The following UBE2D3 variants were observed in gnomAD, a reference collection of about 807,000 sequenced individuals.
UBE2D3 encodes the protein ubiquitin conjugating enzyme E2 D3.
A neutral mutation model predicts 22.8 loss-of-function variants in UBE2D3; 2 were observed. That is an observed-to-expected ratio of 0.09 (90% CI 0.04 to 0.28). UBE2D3 has a LOEUF of 0.28. Ranked by LOEUF, UBE2D3 falls within the 10% of genes least tolerant of loss-of-function variation. UBE2D3 has a pLI of 1.00. For missense variants in UBE2D3, 27 were observed against 182.5 expected, an observed-to-expected ratio of 0.15 and a Z score of 4.91; for synonymous variants, 56 against 60.4, an observed-to-expected ratio of 0.93 and a Z score of 0.34.
intron 2 of UBE2D3, among the ~76,000 whole-genome samples, chr4:102,815,768 CAA>C (rs869129915): frequency 6.6e-6 from 1 of 152,196 alleles, no homozygotes; most frequent in East Asian, 1.9e-4. Flanking sequence ...TAGTAATAAT[CAA>C]AGAGATAAAA....
At chr4:102,818,485 A>T (rs1178010800) in intron 2 of UBE2D3, among the ~76,000 whole-genome samples, 1 of 152,184 alleles carries the variant, frequency 6.6e-6, no homozygotes, top group African/African-American at 2.4e-5. Flanking sequence ...AAGCTAGGTA[A>T]ATGAGACCCT....
intron 2 of UBE2D3, chr4:102,811,181 C>T (rs1222802734): frequency 7.2e-5 from 11 of 152,130 alleles, no homozygotes; most frequent in South Asian, 2.1e-4. Context: ...GGGAGACCCC[C>T]GTCTCTTCGA....
At chr4:102,862,193 CTG>C (rs1405929960) in intron 1 of UBE2D3, among the ~76,000 whole-genome samples, 3 of 151,922 alleles carry the variant, frequency 2.0e-5, no homozygotes, top group East Asian at 3.8e-4. Context: ...CCTCTTAAAA[CTG>C]TGGGGTTAAG....
chr4:102,811,884 G>A (rs1297557410), intron 2 of UBE2D3: 3 of 371,802 alleles, frequency 8.1e-6, no homozygotes, highest in South Asian at 6.0e-5. Flanking sequence ...GATAAAGCCA[G>A]TATCAACTGT....
In UBE2D3 at chr4:102,861,446, A is replaced by G. The variant is rs142416604; in HGVS notation, c.-129+7269T>C. Among the ~76,000 whole-genome samples, 207 of 152,162 alleles carry G rather than the reference A, an allele frequency of 1.4e-3. 3 individuals are homozygous for G. The Middle Eastern group carries it at 0.017, about 13-fold the overall frequency. Reference sequence around the variant, plus strand: ...ACAGAATGCTATCTCTGAGTTTAGTAGCTCAGAGGCAAAATATAAACAGTT... The same window carrying G: ...ACAGAATGCTATCTCTGAGTTTAGTGGCTCAGAGGCAAAATATAAACAGTT... On this transcript the variant is annotated intron_variant, in intron 1 of 7. Coordinates refer to the UBE2D3 transcript ENST00000338145.
intron 1 of UBE2D3, among the ~76,000 whole-genome samples, chr4:102,856,939 G>C (rs532732650): frequency 2.5e-4 from 38 of 152,058 alleles, no homozygotes; most frequent in Non-Finnish European, 4.4e-4. Context: ...GCACTTATAG[G>C]GTAATAAAAT....
intron 5 of UBE2D3, 103 bp downstream of exon 5, chr4:102,802,458 C>CATAT (rs759604914): frequency 3.4e-6 from 3 of 888,352 alleles, no homozygotes. Context: ...TGCAATTCAA[C>CATAT]ATATATATAC....
exon 1 of UBE2D3, chr4:102,868,802 A>G: frequency 6.2e-7 from 1 of 1,612,412 alleles, no homozygotes; most frequent in Non-Finnish European, 8.5e-7. Flanking sequence ...CAGCATCTAC[A>G]GACGTTAAAG....
At chr4:102,827,115 GCTATT>G in intron 1 of UBE2D3, 3 of 986,610 alleles carry the variant, frequency 3.0e-6, no homozygotes, top group Admixed American at 6.1e-5. Flanking sequence ...CTCGCAGCGA[GCTATT>G]CTGTGTCACC....
chr4:102,847,043 A>G (rs1211475054), intron 1 of UBE2D3, among the ~76,000 whole-genome samples: 1 of 152,206 alleles, frequency 6.6e-6, no homozygotes, highest in Non-Finnish European at 1.5e-5. Flanking sequence ...TGGTTTCCTC[A>G]GAAAGAGATT....
chr4:102,836,312 A>AT (rs1459163804), intron 1 of UBE2D3, among the ~76,000 whole-genome samples: 5 of 151,610 alleles, frequency 3.3e-5, no homozygotes, highest in Non-Finnish European at 7.4e-5. Flanking sequence ...ACGCCGGCTA[A>AT]TTTTTTTATT....
At chr4:102,845,614 T>C (rs1437298973) in intron 1 of UBE2D3, among the ~76,000 whole-genome samples, 1 of 152,080 alleles carries the variant, frequency 6.6e-6, no homozygotes, top group Admixed American at 6.6e-5. Context: ...CCACAAGAAT[T>C]TTTCCACCTA....
chr4:102,821,951 T>C (rs773669517), intron 2 of UBE2D3, among the ~76,000 whole-genome samples: 10 of 152,248 alleles, frequency 6.6e-5, no homozygotes, highest in African/African-American at 9.6e-5. Flanking sequence ...TTTGAGATTT[T>C]AATCTGAAAC....
intron 1 of UBE2D3, among the ~76,000 whole-genome samples, chr4:102,847,676 C>T (rs1732108519): frequency 1.3e-5 from 2 of 151,982 alleles, no homozygotes; most frequent in South Asian, 2.1e-4. Flanking sequence ...TAGGGTCCCA[C>T]TCTATCACCC....
intron 1 of UBE2D3, among the ~76,000 whole-genome samples, chr4:102,868,070 T>A (rs1350650500): frequency 8.6e-6 from 1 of 116,270 alleles, no homozygotes; most frequent in Non-Finnish European, 1.7e-5. Flanking sequence ...AGGCTTTAGA[T>A]TCTTTTTTTT....
chr4:102,833,180 C>A (rs1731209489), intron 1 of UBE2D3, among the ~76,000 whole-genome samples: 1 of 149,000 alleles, frequency 6.7e-6, no homozygotes, highest in Non-Finnish European at 1.5e-5. Flanking sequence ...CCTCTTGAAA[C>A]TCAAATGTAG....
chr4:102,797,824 T>C (rs916440295), intron 7 of UBE2D3, among the ~76,000 whole-genome samples: 1 of 152,028 alleles, frequency 6.6e-6, no homozygotes, highest in African/African-American at 2.4e-5. Context: ...ATACACATTC[T>C]ATCTATCCAC....
At chr4:102,847,779 GA>G in intron 1 of UBE2D3, among the ~76,000 whole-genome samples, 2 of 152,106 alleles carry the variant, frequency 1.3e-5, no homozygotes, top group Middle Eastern at 6.8e-3. Context: ...GAGTTGCTGG[GA>G]TAACAGGTGT....
intron 4 of UBE2D3, among the ~76,000 whole-genome samples, chr4:102,803,820 G>A (rs1291789924): frequency 2.0e-5 from 3 of 152,214 alleles, no homozygotes; most frequent in African/African-American, 7.2e-5. Flanking sequence ...TCAGGCTTAA[G>A]CGCAGTGGCA....
Sources: allele counts gnomAD v4.1 joint callset (sites outside exome capture counted in the v4.1 genomes callset), GRCh38; gene constraint gnomAD v4.1.1; transcripts MANE v1.5; gene names NCBI Gene and HGNC (gene_info 2026-07-23, HGNC 2026-07-21).